ST6GALNAC3: variants seen among roughly 807,000 people sequenced by gnomAD.
The protein encoded by ST6GALNAC3 is ST6 N-acetylgalactosaminide alpha-2,6-sialyltransferase 3, also known as alpha-N-acetylgalactosaminide alpha-2,6-sialyltransferase 3.
In ST6GALNAC3, 25 loss-of-function variants were observed where a neutral mutation model predicts 32.7. The observed-to-expected ratio is 0.76, with a 90% CI of 0.56 to 1.07. The LOEUF is 1.07. ST6GALNAC3 is among the 50% of genes least tolerant of loss of function. The pLI, the probability that ST6GALNAC3 is intolerant of heterozygous loss-of-function variation, is 0.00. For synonymous variants in ST6GALNAC3, 129 were observed against 133.1 expected, an observed-to-expected ratio of 0.97 and a Z score of 0.21; for missense variants, 355 against 382.4, an observed-to-expected ratio of 0.93 and a Z score of 0.60.
At chr1:76,545,837 T>G (rs1052611517) in intron 3 of ST6GALNAC3, among the ~76,000 whole-genome samples, 4 of 152,060 alleles carry the variant, frequency 2.6e-5, no homozygotes, top group South Asian at 2.1e-4. Context: ...TTTTGTATTT[T>G]TAGTAGAGAC....
At chr1:76,175,754 T>C (rs1173020581) in intron 1 of ST6GALNAC3, among the ~76,000 whole-genome samples, 1 of 151,648 alleles carries the variant, frequency 6.6e-6, no homozygotes, top group African/African-American at 2.4e-5. Context: ...GCAGTACCCC[T>C]TGGTCACTGT....
At chr1:76,296,295 T>A (rs1371171686) in intron 1 of ST6GALNAC3, among the ~76,000 whole-genome samples, 1 of 152,082 alleles carries the variant, frequency 6.6e-6, no homozygotes, top group Non-Finnish European at 1.5e-5. Context: ...TGAAAATACA[T>A]TTTTGTGCAA....
chr1:76,509,156 T>C lies in ST6GALNAC3; in HGVS notation c.623+96739T>C, dbSNP rs1661674664. 6.6e-6 allele frequency among the ~76,000 whole-genome samples: 1 copy of C among 152,206 alleles called. No individual in the cohort carries two copies. The highest frequency in any genetic ancestry group is 1.5e-5 in the Non-Finnish European group (1 of 68,030). On this transcript the variant is annotated intron_variant, in intron 3 of 4. Transcript: ENST00000328299. The surrounding 1 kb of genome is among the most constrained non-coding windows in gnomAD (Gnocchi z 5.5). ...TGTAGTGTAAAATGATTTTAATGCT[T>C]GTGGTCTAAGAAAGTATCTCTATCA...
At chr1:76,247,663 C>G (rs925337488) in intron 1 of ST6GALNAC3, among the ~76,000 whole-genome samples, 5 of 152,168 alleles carry the variant, frequency 3.3e-5, no homozygotes, top group African/African-American at 1.2e-4. Flanking sequence ...ATGGCCGATG[C>G]CCCTCCCCCT....
At chr1:76,242,567 C>T (rs957504650) in intron 1 of ST6GALNAC3, among the ~76,000 whole-genome samples, 1 of 152,006 alleles carries the variant, frequency 6.6e-6, no homozygotes, top group African/African-American at 2.4e-5. Context: ...TTAAGCCCTG[C>T]CTGCATTAGG....
chr1:76,189,115 G>A (rs1375387863), intron 1 of ST6GALNAC3, among the ~76,000 whole-genome samples: 1 of 152,202 alleles, frequency 6.6e-6, no homozygotes, highest in African/African-American at 2.4e-5. Context: ...GAGGGTATAA[G>A]TCTTACTCCT....
intron 3 of ST6GALNAC3, among the ~76,000 whole-genome samples, chr1:76,521,313 G>A (rs961885797): frequency 6.0e-5 from 9 of 150,940 alleles, no homozygotes; most frequent in African/African-American, 1.5e-4. Context: ...ACACACACGC[G>A]CGTACATACA....
chr1:76,340,152 A>C (rs902478738), intron 2 of ST6GALNAC3, among the ~76,000 whole-genome samples: 5 of 152,210 alleles, frequency 3.3e-5, no homozygotes, highest in Non-Finnish European at 5.9e-5. Context: ...GTATTTAGTC[A>C]TCATTGCATG....
chr1:76,267,232 C>A (rs1658584948), intron 1 of ST6GALNAC3, among the ~76,000 whole-genome samples: 1 of 152,190 alleles, frequency 6.6e-6, no homozygotes, highest in Non-Finnish European at 1.5e-5. Context: ...TGACCCCTTG[C>A]CTCATGGAAC....
intron 3 of ST6GALNAC3, among the ~76,000 whole-genome samples, chr1:76,461,035 G>T (rs1167164072): frequency 6.6e-6 from 1 of 152,140 alleles, no homozygotes; most frequent in African/African-American, 2.4e-5. Context: ...CATTTGAATG[G>T]CCTATTTATT....
chr1:76,192,228 G>A (rs1250484223), intron 1 of ST6GALNAC3, among the ~76,000 whole-genome samples: 1 of 152,186 alleles, frequency 6.6e-6, no homozygotes, highest in Non-Finnish European at 1.5e-5. Flanking sequence ...AAAAGGCAGA[G>A]CTGCTTTTGC....
At chr1:76,202,194 G>C (rs1239158951) in intron 1 of ST6GALNAC3, among the ~76,000 whole-genome samples, 1 of 151,740 alleles carries the variant, frequency 6.6e-6, no homozygotes, top group Non-Finnish European at 1.5e-5. Context: ...TATTTACCTG[G>C]AGAGCAGAGG....
chr1:76,568,631 C>T (rs1189640588), intron 3 of ST6GALNAC3, among the ~76,000 whole-genome samples: 2 of 152,174 alleles, frequency 1.3e-5, no homozygotes, highest in Non-Finnish European at 2.9e-5. Flanking sequence ...TTTTACCCAA[C>T]CAAACAATAA....
At chr1:76,206,505 G>A (rs1363943812) in intron 1 of ST6GALNAC3, among the ~76,000 whole-genome samples, 3 of 152,112 alleles carry the variant, frequency 2.0e-5, no homozygotes, top group South Asian at 2.1e-4. Flanking sequence ...GGAGTTGGGC[G>A]GATCATGAGG....
Position 76,412,142 on chromosome 1 carries a change from A to G in ST6GALNAC3, c.348A>G (p.Glu116=). ...RMNNAPTKGY[E]EDVGRMTMIR... The stretch of plus-strand genomic sequence containing the variant: ...ACAATGCCCCCACCAAAGGTTATGA[A>G]GAAGATGTCGGCCGCATGACCATGA... Residue 116 remains glutamate, a synonymous_variant, in exon 3 of 5, where the codon GAA becomes GAG. Coordinates refer to ENST00000328299, the MANE Select transcript of ST6GALNAC3 (RefSeq NM_152996.4). 1 of 1,613,754 alleles carries G rather than the reference A, an allele frequency of 6.2e-7. No individual in the cohort carries two copies.
chr1:76,268,161 T>G (rs1276611889), intron 1 of ST6GALNAC3, among the ~76,000 whole-genome samples: 1 of 152,170 alleles, frequency 6.6e-6, no homozygotes, highest in Non-Finnish European at 1.5e-5. Context: ...CTGAAGAAAA[T>G]GCACAAAATA....
intron 3 of ST6GALNAC3, among the ~76,000 whole-genome samples, chr1:76,588,410 T>A (rs1646996801): frequency 6.6e-6 from 1 of 152,104 alleles, no homozygotes; most frequent in African/African-American, 2.4e-5. Context: ...GATGGGTGAA[T>A]CAAAGTTGCT....
At chr1:76,330,813 TAGTC>T (rs1321439649) in intron 2 of ST6GALNAC3, among the ~76,000 whole-genome samples, 1 of 152,186 alleles carries the variant, frequency 6.6e-6, no homozygotes, top group Non-Finnish European at 1.5e-5. Context: ...TCTGGTGTCT[TAGTC>T]AGTGAAAATG....
intron 3 of ST6GALNAC3, among the ~76,000 whole-genome samples, chr1:76,482,241 T>G (rs1659772524): frequency 6.6e-6 from 1 of 152,108 alleles, no homozygotes; most frequent in African/African-American, 2.4e-5. Context: ...TCTGAAAGGT[T>G]ATGAGCCCCT....
Sources: gnomAD v4.1 joint callset for allele counts (sites outside exome capture counted in the v4.1 genomes callset) on GRCh38, gnomAD v4.1.1 for gene constraint, Gnocchi (gnomAD v3.1) non-coding constraint, MANE v1.5 for transcripts, NCBI Gene and HGNC (gene_info 2026-07-23, HGNC 2026-07-21) for gene names.